The following MARK1 variants were observed in gnomAD, a reference collection of about 807,000 sequenced individuals.
The protein encoded by MARK1 is microtubule affinity regulating kinase 1, also known as serine/threonine-protein kinase MARK1.
A neutral mutation model predicts 96.3 loss-of-function variants in MARK1; 40 were observed. That is an observed-to-expected ratio of 0.42 (90% confidence interval 0.32 to 0.54). The LOEUF (loss-of-function observed/expected upper bound fraction) is 0.54. Ranked by LOEUF, MARK1 falls within the 20% of genes least tolerant of loss-of-function variation. The pLI is 0.16. For synonymous variants in MARK1, 317 were observed against 341.2 expected (o/e 0.93, Z 0.78); for missense variants, 719 against 984.6 (o/e 0.73, Z 3.61).
chr1:220,556,284 C>A (rs12068169), intron 1 of MARK1, among the ~76,000 whole-genome samples: 6,535 of 152,086 alleles, frequency 0.043, 448 homozygotes, highest in African/African-American at 0.15. Context: ...GTACCGGAGG[C>A]CTTAAGTTTA....
chr1:220,618,598 A>G lies in MARK1; in HGVS notation c.790-38A>G. On this transcript the variant is annotated intron_variant, in intron 8 of 17. Coordinates refer to ENST00000366917, the MANE Select transcript of MARK1 (RefSeq NM_018650.5). This position sits in a 1 kb window ranked among gnomAD's most constrained non-coding sequence, Gnocchi z 4.6. The stretch of plus-strand genomic sequence containing the variant: ...TTTATCCCCAAGTATGATTATGTCA[A>G]AAACCAGTTATAAGTGCTTTCTTTC... The G allele has an allele frequency of 6.2e-7, 1 of 1,613,320 alleles. No individual in the cohort carries two copies. Among genetic ancestry groups the G allele is most frequent in the Non-Finnish European group, 8.5e-7 (1 of 1,179,858 alleles).
chr1:220,653,359 A>T lies in MARK1; in HGVS notation c.1988+7A>T. 6.2e-7 allele frequency: 1 copy of T among 1,613,686 alleles called. No homozygotes were observed. Among genetic ancestry groups the T allele is most frequent in the Non-Finnish European group, 8.5e-7 (1 of 1,179,590 alleles). The stretch of plus-strand genomic sequence containing the variant: ...CATCCAAATTTGTTCGCAGGTCAGT[A>T]CCAATGTACTGTCGTGTTTTGATTC... On this transcript the variant is annotated splice_region_variant and intron_variant, in intron 16 of 17. Coordinates refer to ENST00000366917, the MANE Select transcript of MARK1 (RefSeq NM_018650.5).
rs1667897067 is a variant in MARK1, at chr1:220,635,370, T to C, written c.1123-6T>C. 6.4e-7 allele frequency: 1 copy of C among 1,574,228 alleles called. No individual in the cohort carries two copies. The highest frequency in any genetic ancestry group is 8.6e-7 in the Non-Finnish European group (1 of 1,167,906). The stretch of plus-strand genomic sequence containing the variant: ...TTTAAAATCCCTGTGGTTTTTCTTC[T>C]TATAGTTTGAAGGTGGTGAATCGTT... On this transcript the variant is annotated splice_region_variant and splice_polypyrimidine_tract_variant and intron_variant, in intron 11 of 17. Transcript: ENST00000366917.
intron 6 of MARK1, among the ~76,000 whole-genome samples, chr1:220,614,755 A>G (rs1335592534): frequency 1.3e-5 from 2 of 152,128 alleles, no homozygotes; most frequent in African/African-American, 2.4e-5. Context: ...TTGAATCAAA[A>G]TGAATTAAAT....
chr1:220,534,317 A>G (rs1660534854), intron 1 of MARK1, among the ~76,000 whole-genome samples: 1 of 152,064 alleles, frequency 6.6e-6, no homozygotes, highest in African/African-American at 2.4e-5. Flanking sequence ...AAATTATTCT[A>G]GCTATTTTGA....
intron 1 of MARK1, among the ~76,000 whole-genome samples, chr1:220,538,620 A>G (rs1363885482): frequency 4.6e-5 from 7 of 151,198 alleles, no homozygotes. Flanking sequence ...AGTCATTGGT[A>G]GCTTGATGGG....
At chr1:220,582,502 T>G (rs533351169) in intron 3 of MARK1, among the ~76,000 whole-genome samples, 1 of 152,170 alleles carries the variant, frequency 6.6e-6, no homozygotes, top group African/African-American at 2.4e-5. Context: ...AACTGGGTAA[T>G]TGTACACAGT....
chr1:220,616,419 A>G (rs1474242416), intron 7 of MARK1, among the ~76,000 whole-genome samples: 1 of 152,244 alleles, frequency 6.6e-6, no homozygotes, highest in Non-Finnish European at 1.5e-5. Flanking sequence ...TTAAATGTGT[A>G]TAATAGTACA....
intron 1 of MARK1, among the ~76,000 whole-genome samples, chr1:220,566,338 GCTATTTAGTCTTGAATGAT>G (rs1300976009): frequency 6.6e-6 from 1 of 152,280 alleles, no homozygotes; most frequent in East Asian, 1.9e-4. Context: ...ATAAACCTAT[GCTATTTAGTCTTGAATGAT>G]CTATTAATAA....
Position 220,663,505 on chromosome 1 carries a change from GT to G in MARK1, c.*1341del, listed in dbSNP as rs1481059068. 1 of 152,502 alleles carries G rather than the reference GT, an allele frequency of 6.6e-6. No individual in the cohort carries two copies. Among genetic ancestry groups the G allele is most frequent in the Non-Finnish European group, 1.5e-5 (1 of 67,994 alleles). The allele number at this position is 152,502 out of a possible 1,614,324, so 9.4% of individuals were successfully genotyped here. A position where few individuals can be genotyped will look rare whatever the true frequency, so the allele number is the denominator to read the frequency against. On this transcript the variant is annotated 3_prime_UTR_variant, in exon 18 of 18. Coordinates refer to ENST00000366917, the MANE Select transcript of MARK1 (RefSeq NM_018650.5). ...GGTTGACTGTGCAATGTTATTTACT[GT>G]TGTAATTACTGTAATACCAACATAT...
chr1:220,568,137 T>G (rs1201113076), intron 1 of MARK1, among the ~76,000 whole-genome samples: 1 of 152,184 alleles, frequency 6.6e-6, no homozygotes, highest in Admixed American at 6.6e-5. Context: ...CTTCTTGATA[T>G]TTGTACTTTC....
intron 1 of MARK1, among the ~76,000 whole-genome samples, chr1:220,543,953 TATG>T (rs549193549): frequency 2.0e-5 from 3 of 152,194 alleles, no homozygotes; most frequent in African/African-American, 4.8e-5. Context: ...AACCTCATAT[TATG>T]ATGAAAATGA....
At chr1:220,658,925 G>A (rs1669320035) in intron 17 of MARK1, among the ~76,000 whole-genome samples, 1 of 152,080 alleles carries the variant, frequency 6.6e-6, no homozygotes, top group African/African-American at 2.4e-5. Context: ...GAAACATGGA[G>A]GACTTGTTCT....
At chr1:220,632,110 A>G (rs1057499490) in intron 10 of MARK1, 91 bp from the exon 11 acceptor site, 11 of 564,602 alleles carry the variant, frequency 1.9e-5, no homozygotes, top group African/African-American at 3.9e-5. Context: ...CTAAGTTTTC[A>G]TATTCAAAGA....
chr1:220,580,093 T>TAC (rs1664132475), intron 2 of MARK1, among the ~76,000 whole-genome samples: 4 of 152,172 alleles, frequency 2.6e-5, no homozygotes, highest in Admixed American at 2.6e-4. Flanking sequence ...TGTGTATATA[T>TAC]ACCTGTATGC....
chr1:220,605,206 T>C (rs1665996208), intron 6 of MARK1, among the ~76,000 whole-genome samples: 1 of 152,202 alleles, frequency 6.6e-6, no homozygotes, highest in East Asian at 1.9e-4. Context: ...TTGTGAAACC[T>C]CTGTTATTAA....
At chr1:220,652,281 A>G in intron 15 of MARK1, 131 bp downstream of exon 15, 1 of 624,992 alleles carries the variant, frequency 1.6e-6, no homozygotes, top group East Asian at 3.2e-5. Flanking sequence ...ATGGAGGAAA[A>G]ATTGAATTGT....
intron 6 of MARK1, 98 bp from the exon 7 acceptor site, chr1:220,615,825 TATTAAATATTACCTTG>T: frequency 1.6e-6 from 1 of 607,488 alleles, no homozygotes; most frequent in Non-Finnish European, 2.9e-6. Flanking sequence ...ATTGCATATT[TATTAAATATTACCTTG>T]AAATCCGAAT....
At chr1:220,543,201 G>A (rs1661262904) in intron 1 of MARK1, among the ~76,000 whole-genome samples, 1 of 152,148 alleles carries the variant, frequency 6.6e-6, no homozygotes, top group South Asian at 2.1e-4. Flanking sequence ...CCATTTATGT[G>A]AGATGCTCTC....
Sources: gnomAD v4.1 joint callset for allele counts (sites outside exome capture counted in the v4.1 genomes callset) on GRCh38, gnomAD v4.1.1 for gene constraint, Gnocchi (gnomAD v3.1) non-coding constraint, MANE v1.5 for transcripts, NCBI Gene and HGNC (gene_info 2026-07-23, HGNC 2026-07-21) for gene names.